The following TDRD6 variants were observed in gnomAD, a reference collection of about 807,000 sequenced individuals.
TDRD6 encodes the protein tudor domain-containing protein 6.
In TDRD6, 186 loss-of-function variants were observed where a neutral mutation model predicts 157.5. That is an observed-to-expected ratio of 1.18 (90% CI 1.05 to 1.33). TDRD6 has a LOEUF of 1.33. Ranked by LOEUF, TDRD6 falls within the 40% of genes most tolerant of loss-of-function variation. TDRD6 has a pLI of 0.00. For missense variants in TDRD6, 3,066 were observed against 2,508.0 expected (o/e 1.22, Z -4.75); for synonymous variants, 1,075 against 945.2 (o/e 1.14, Z -2.52).
At chr6:46,696,070 C>T (rs1368483836) in intron 2 of TDRD6, 125 bp downstream of exon 2, 9 of 1,039,416 alleles carry the variant, frequency 8.7e-6, no homozygotes, top group African/African-American at 1.6e-5. Flanking sequence ...CCCCTGATAA[C>T]TTGATGTAAT....
Position 46,694,122 on chromosome 6 carries a change from A to G in TDRD6, c.5994A>G (p.Glu1998=), listed in dbSNP as rs770296848. The change falls in exon 1 of 4, where the codon GAA becomes GAG. Residue 1998 remains glutamate (E), a synonymous_variant. Transcript: ENST00000316081. ...CATTGATGCCTTTGTTCTCTGAGGAAGAAAGCAGTGATGGAAGCAAGCACA... is the reference window on the plus strand; with the variant it reads ...CATTGATGCCTTTGTTCTCTGAGGAGGAAAGCAGTGATGGAAGCAAGCACA... The part of the protein sequence containing the change: ...ISALMPLFSE[E]ESSDGSKHNN... 6.2e-7 allele frequency: 1 copy of G among 1,600,066 alleles called. No homozygotes were observed. The highest frequency in any genetic ancestry group is 8.5e-7 in the Non-Finnish European group (1 of 1,173,648).
upstream of TDRD6, among the ~76,000 whole-genome samples, chr6:46,686,476 T>TAAAAAAAAAAAAAAAAAAAA (rs35028991): frequency 7.8e-6 from 1 of 127,834 alleles, no homozygotes; most frequent in Non-Finnish European, 1.7e-5. Flanking sequence ...TAGAAGTATG[T>TAAAAAAAAAAAAAAAAAAAA]AAAAAAAAAA....
rs372993703 is a variant in TDRD6, at chr6:46,702,025, G to A, written c.*138G>A. On this transcript the variant is annotated 3_prime_UTR_variant, in exon 4 of 4. Transcript: ENST00000316081. ...TGTCATTTTCAAAAACTTCTATATA[G>A]GTGGAAAACAAATTAGGTCTCAGGT... 2.3e-4 allele frequency: 212 copies of A among 914,108 alleles called. 2 individuals carry two copies. The African/African-American group carries it at 3.2e-3, about 14-fold the overall frequency. 56.6% of individuals were successfully genotyped at this position (914,108 alleles called of 1,614,324 possible).
At position 46,690,142 on chromosome 6, in the gene TDRD6, G is replaced by A. The variant is rs1487664379; in HGVS notation, c.2014G>A (p.Glu672Lys). The stretch of plus-strand genomic sequence containing the variant: ...TGGATATGCCAAGTATCAGGAATTT[G>A]AAACAAAGGAAAATATCCTGGTAAA... ...QAGYAKYQEF[E>K]TKENILVNAH... Residue 672 changes from glutamate (E) to lysine (K), a missense_variant, in exon 1 of 4, where the codon GAA (glutamate) becomes AAA (lysine). Transcript: ENST00000316081. 5 of 1,613,154 alleles carry A rather than the reference G, an allele frequency of 3.1e-6. No homozygotes were observed. The South Asian group carries it at 5.5e-5, about 18-fold the overall frequency.
rs1171494805 is a variant in TDRD6 at position 46,692,935 on chromosome 6, G to T, written c.4807G>T (p.Val1603Leu). Residue 1603 changes from valine to leucine, a missense_variant, in exon 1 of 4, where the codon GTG (valine) becomes TTG (leucine). Transcript: ENST00000316081. ...AGATTATCTTGTATCTGTCAGGCTT[G>T]TGGACTTTGGAAACATTGAAGACTG... is the stretch of plus-strand genomic sequence containing the variant. ...CEDYLVSVRL[V>L]DFGNIEDCVD... The T allele has an allele frequency of 6.2e-7, 1 of 1,614,056 alleles. No homozygotes were observed. Among genetic ancestry groups the T allele is most frequent in the Non-Finnish European group, 8.5e-7 (1 of 1,179,972 alleles).
upstream of TDRD6, among the ~76,000 whole-genome samples, chr6:46,687,187 G>A (rs948318193): frequency 1.3e-5 from 2 of 152,154 alleles, no homozygotes; most frequent in African/African-American, 2.4e-5. Flanking sequence ...ATATACAGCA[G>A]GGGCTTGAAG....
chr6:46,688,055 CG>C lies in TDRD6; in HGVS notation c.-72del, dbSNP rs1456704853. The stretch of plus-strand genomic sequence containing the variant: ...AGTTTGGCTGGGACTCGCCTTCAGG[CG>C]GCGCGGAGGATTTCGAGGCCCTGAG... On this transcript the variant is annotated 5_prime_UTR_variant, in exon 1 of 4. Transcript: ENST00000316081. The C allele has an allele frequency of 7.9e-6, 11 of 1,396,344 alleles. No homozygotes were observed. The highest frequency in any genetic ancestry group is 1.0e-5 in the Non-Finnish European group (11 of 1,083,508). The allele number at this position is 1,396,344 out of a possible 1,614,324, so 86.5% of individuals were successfully genotyped here. A position where few individuals can be genotyped will look rare whatever the true frequency, so the allele number is the denominator to read the frequency against.
upstream of TDRD6, among the ~76,000 whole-genome samples, chr6:46,685,845 T>C (rs1320490876): frequency 1.3e-5 from 2 of 152,188 alleles, no homozygotes; most frequent in East Asian, 3.8e-4. Flanking sequence ...AAAGTTTATT[T>C]ATTATAAAAC....
chr6:46,689,647 A>T lies in TDRD6; in HGVS notation c.1519A>T (p.Arg507Trp). The T allele has an allele frequency of 6.2e-7, 1 of 1,614,216 alleles. No individual in the cohort carries two copies. Among genetic ancestry groups the T allele is most frequent in the Non-Finnish European group, 8.5e-7 (1 of 1,180,034 alleles). ...KNPSEFWIRL[R>W]KHNVTFSKLM... is the part of the protein sequence containing the mutation. Reference sequence around the variant, plus strand: ...TCCTTCTGAGTTTTGGATTAGGTTGAGGAAACACAATGTCACCTTCAGTAA... The same window carrying T: ...TCCTTCTGAGTTTTGGATTAGGTTGTGGAAACACAATGTCACCTTCAGTAA... Residue 507 changes from arginine (R) to tryptophan (W), a missense_variant, in exon 1 of 4, where the codon AGG (arginine) becomes TGG (tryptophan). Coordinates refer to ENST00000316081, the MANE Select transcript of TDRD6 (RefSeq NM_001010870.3).
In TDRD6 at chr6:46,691,703, C is replaced by A. The variant is rs76636517; in HGVS notation, c.3575C>A (p.Thr1192Lys). ...EKNENMKLPC[T>K]EYLSKSVGYK... The stretch of plus-strand genomic sequence containing the variant: ...AATGAGAATATGAAGTTGCCATGTA[C>A]AGAGTATTTAAGTAAATCAGTAGGG... Residue 1192 changes from threonine to lysine, a missense_variant, in exon 1 of 4, where the codon ACA becomes AAA. By Grantham distance (78) the Thr-to-Lys change is moderately conservative. Coordinates refer to ENST00000316081, the MANE Select transcript of TDRD6 (RefSeq NM_001010870.3). 5.6e-4 allele frequency: 896 copies of A among 1,609,580 alleles called. 4 individuals carry two copies. The East Asian group carries it at 0.017, about 30-fold the overall frequency.
upstream of TDRD6, among the ~76,000 whole-genome samples, chr6:46,683,474 AAT>A (rs1407628680): frequency 2.0e-5 from 3 of 151,952 alleles, no homozygotes; most frequent in Non-Finnish European, 2.9e-5. Context: ...AGAAAAGAAA[AAT>A]ATGTGAATAA....
rs1255917204 is a variant in TDRD6 at position 46,690,064 on chromosome 6, C to T, written c.1936C>T (p.Leu646Phe). 6.2e-7 allele frequency: 1 copy of T among 1,614,042 alleles called. No homozygotes were observed. The highest frequency in any genetic ancestry group is 8.5e-7 in the Non-Finnish European group (1 of 1,180,012). ...KQDHQYVIEI[L>F]DESRTGEENI... ...GGATCATCAATATGTTATTGAGATT[C>T]TTGACGAATCAAGAACAGGGGAAGA... is the stretch of plus-strand genomic sequence containing the variant. Residue 646 changes from leucine to phenylalanine, a missense_variant, in exon 1 of 4, where the codon CTT becomes TTT. Leu to Phe is a conservative substitution (Grantham distance 22). Coordinates refer to ENST00000316081, the MANE Select transcript of TDRD6 (RefSeq NM_001010870.3).
intron 1 of TDRD6, among the ~76,000 whole-genome samples, chr6:46,695,590 T>C (rs866872161): frequency 6.6e-6 from 1 of 152,104 alleles, no homozygotes; most frequent in Non-Finnish European, 1.5e-5. Flanking sequence ...CACATCCTTG[T>C]GGTGATTTTT....
At chr6:46,697,141 G>GGCCA (rs1345042516) in intron 2 of TDRD6, among the ~76,000 whole-genome samples, 1 of 152,016 alleles carries the variant, frequency 6.6e-6, no homozygotes, top group African/African-American at 2.4e-5. Context: ...ATATTAAATG[G>GGCCA]ACATCAAAAT....
upstream of TDRD6, among the ~76,000 whole-genome samples, chr6:46,686,476 TAAA>T (rs35028991): frequency 3.9e-5 from 5 of 127,822 alleles, no homozygotes; most frequent in African/African-American, 5.8e-5. Context: ...TAGAAGTATG[TAAA>T]AAAAAAAAAA....
At position 46,689,076 on chromosome 6, in the gene TDRD6, G is replaced by C. The variant is rs761439645; in HGVS notation, c.948G>C (p.Pro316=). Residue 316 remains proline, a synonymous_variant, in exon 1 of 4, where the codon CCG becomes CCC. Transcript: ENST00000316081. ...AGAGCCCAGATAAGCCGGGCTCTCC[G>C]TGTGCATCCTGTGGCCTGGATGGAC... ...REESPDKPGS[P]CASCGLDGHW... is the part of the protein sequence containing the mutation. 3 of 1,614,164 alleles carry C rather than the reference G, an allele frequency of 1.9e-6. No individual in the cohort carries two copies. Among genetic ancestry groups the C allele is most frequent in the Non-Finnish European group, 1.7e-6 (2 of 1,180,034 alleles).
In TDRD6 at chr6:46,689,295, T is replaced by G; in HGVS notation, c.1167T>G (p.Ser389=). 1 of 1,614,146 alleles carries G rather than the reference T, an allele frequency of 6.2e-7. No individual in the cohort carries two copies. Among genetic ancestry groups the G allele is most frequent in the East Asian group, 2.2e-5 (1 of 44,874 alleles). The part of the protein sequence containing the change: ...YGLWDGGRGW[S]RSQVGDLKTL... ...TCTGGGACGGTGGGAGAGGCTGGTC[T>G]CGGTCACAGGTCGGTGACCTGAAGA... The change falls in exon 1 of 4, where the codon TCT becomes TCG. Residue 389 remains serine, a synonymous_variant. Transcript: ENST00000316081.
At position 46,692,252 on chromosome 6, in the gene TDRD6, A is replaced by C; in HGVS notation, c.4124A>C (p.Lys1375Thr). Residue 1375 changes from lysine to threonine, a missense_variant, in exon 1 of 4, where the codon AAG becomes ACG. Lys to Thr is a moderately conservative substitution (Grantham distance 78, BLOSUM62 -1). Coordinates refer to ENST00000316081, the MANE Select transcript of TDRD6 (RefSeq NM_001010870.3). The stretch of plus-strand genomic sequence containing the variant: ...AATTTATGGTATCGTGCTGTGATCA[A>C]GGAGCAACAACCCAATGACCTTCTC... ...EDNLWYRAVI[K>T]EQQPNDLLSV... is the part of the protein sequence containing the mutation. 6.2e-7 allele frequency: 1 copy of C among 1,614,082 alleles called. No homozygotes were observed. The highest frequency in any genetic ancestry group is 8.5e-7 in the Non-Finnish European group (1 of 1,179,956).
the TDRD6 span, among the ~76,000 whole-genome samples, chr6:46,680,582 G>A: frequency 7.7e-4 from 117 of 152,184 alleles, no homozygotes; most frequent in South Asian, 0.021. Context: ...AAGCACAGTC[G>A]TCTTCCATGG....
Sources: allele counts gnomAD v4.1 joint callset (sites outside exome capture counted in the v4.1 genomes callset), GRCh38; gene constraint gnomAD v4.1.1; transcripts MANE v1.5; gene names NCBI Gene and HGNC (gene_info 2026-07-23, HGNC 2026-07-21).